The following NRP1 variants were observed in gnomAD, a reference collection of about 807,000 sequenced individuals.
The protein encoded by NRP1 is neuropilin 1, also known as neuropilin-1.
In NRP1, 35 loss-of-function variants were observed where a neutral mutation model predicts 106.7. The observed-to-expected ratio is 0.33, with a 90% CI of 0.25 to 0.43. The LOEUF (loss-of-function observed/expected upper bound fraction) is 0.43, where lower values mean the gene tolerates loss of function less well. Ranked by LOEUF, NRP1 falls within the 20% of genes least tolerant of loss-of-function variation. The pLI is 1.00. For missense variants in NRP1, 1,024 were observed against 1,170.4 expected (o/e 0.87, Z 1.83); for synonymous variants, 437 against 417.9 (o/e 1.05, Z -0.56).
intron 2 of NRP1, among the ~76,000 whole-genome samples, chr10:33,286,283 TGTAA>T (rs1477170098): frequency 1.3e-5 from 2 of 152,182 alleles, no homozygotes; most frequent in African/African-American, 4.8e-5. Context: ...CAAGTATGCA[TGTAA>T]GTATTTCACA....
rs181485167 is a variant in NRP1 at position 33,256,561 on chromosome 10, G to C, written c.659-90C>G. The C allele has an allele frequency of 2.4e-3, 3,380 of 1,398,212 alleles. 12 individuals are homozygous for C. Among genetic ancestry groups the C allele is most frequent in the Admixed American group, 5.7e-3 (301 of 52,390 alleles). 86.6% of individuals were successfully genotyped at this position (1,398,212 alleles called of 1,614,324 possible). On this transcript the variant is annotated intron_variant, in intron 4 of 16. Transcript: ENST00000374867. ...GCATTTACAAAGATGGGCCCCAGTA[G>C]AACCCAGAAGTGTTTTCTAACCCAA...
At chr10:33,322,862 C>G (rs964179967) in intron 2 of NRP1, among the ~76,000 whole-genome samples, 1 of 152,202 alleles carries the variant, frequency 6.6e-6, no homozygotes, top group African/African-American at 2.4e-5. Context: ...AAAAAATAAG[C>G]TGGTAACGTT....
At chr10:33,225,394 G>C (rs1298839866) in intron 7 of NRP1, among the ~76,000 whole-genome samples, 1 of 152,194 alleles carries the variant, frequency 6.6e-6, no homozygotes, top group Non-Finnish European at 1.5e-5. Context: ...TCAATTTCCT[G>C]TGTTTTGCTC....
In NRP1 at chr10:33,182,595, CT is replaced by C. The variant is rs558085116; in HGVS notation, c.2482+102del. 624 of 799,032 alleles carry C rather than the reference CT, an allele frequency of 7.8e-4. 4 individuals carry two copies. The highest frequency in any genetic ancestry group is 2.2e-4 in the Non-Finnish European group (108 of 483,206). 49.5% of individuals were successfully genotyped at this position (799,032 alleles called of 1,614,324 possible). A position where few individuals can be genotyped will look rare whatever the true frequency, so the allele number is the denominator to read the frequency against. On this transcript the variant is annotated intron_variant, in intron 16 of 16. Transcript: ENST00000374867. ...TGGGCATAGATGTTTTTTATTTGAA[CT>C]TTTTGACATACCAGTGTATTAGAGT...
intron 3 of NRP1, among the ~76,000 whole-genome samples, chr10:33,266,752 A>G (rs936423591): frequency 2.6e-5 from 4 of 152,254 alleles, no homozygotes; most frequent in Middle Eastern, 6.8e-3. Flanking sequence ...TCTCATGAAT[A>G]GTTTAGCACT....
At chr10:33,236,531 T>C (rs1840569480) in intron 6 of NRP1, among the ~76,000 whole-genome samples, 2 of 152,158 alleles carry the variant, frequency 1.3e-5, no homozygotes, top group Non-Finnish European at 2.9e-5. Flanking sequence ...AGGAATTGCA[T>C]GGGTTAGGTA....
intron 2 of NRP1, among the ~76,000 whole-genome samples, chr10:33,328,330 G>T (rs1241832124): frequency 7.2e-6 from 1 of 139,098 alleles, no homozygotes; most frequent in Non-Finnish European, 1.6e-5. Context: ...AGATGCTGTT[G>T]TAATAATTAG....
rs781138129 is a variant in NRP1 at position 33,330,754 on chromosome 10, T to C, written c.202A>G (p.Met68Val). 1.9e-6 allele frequency: 3 copies of C among 1,613,798 alleles called. No homozygotes were observed. The highest frequency in any genetic ancestry group is 3.3e-5 in the Admixed American group (2 of 59,982). Residue 68 changes from methionine (M) to valine (V), a missense_variant, in exon 2 of 17, where the codon ATG becomes GTG. Around this residue, in one of 5 missense-constraint regions of NRP1, gnomAD observed 279 missense variants for 327.4 expected, o/e 0.85. Coordinates refer to ENST00000374867, the MANE Select transcript of NRP1 (RefSeq NM_003873.7). ...TCGAAGTGAGGGTTGAAGTTGATCA[T>C]AATTCTCTGGTATGGGTCCGGAGCC... Reference protein sequence around the residue: ...IQAPDPYQRIMINFNPHFDLE... With the variant: ...IQAPDPYQRIVINFNPHFDLE...
At chr10:33,229,457 A>G (rs549600485) in intron 6 of NRP1, among the ~76,000 whole-genome samples, 4 of 152,206 alleles carry the variant, frequency 2.6e-5, no homozygotes, top group Non-Finnish European at 5.9e-5. Context: ...AAAATCTTGA[A>G]GTCCGAGGAA....
Position 33,180,042 on chromosome 10 carries a change from C to G in NRP1, c.*34G>C. The G allele has an allele frequency of 6.2e-7, 1 of 1,600,854 alleles. No individual in the cohort carries two copies. The highest frequency in any genetic ancestry group is 1.1e-5 in the South Asian group (1 of 88,096). ...CAGCTCACTCCCGTCCTTCCACTTC[C>G]GTCCTTTGACTGTCTTTTCATCTCT... is the stretch of plus-strand genomic sequence containing the variant. On this transcript the variant is annotated 3_prime_UTR_variant, in exon 17 of 17. Coordinates refer to ENST00000374867, the MANE Select transcript of NRP1 (RefSeq NM_003873.7).
chr10:33,234,341 C>T (rs1231143469), intron 6 of NRP1, among the ~76,000 whole-genome samples: 2 of 151,946 alleles, frequency 1.3e-5, no homozygotes, highest in East Asian at 3.9e-4. Context: ...GACTGGTGGC[C>T]CGTGTATGAG....
chr10:33,304,966 G>A (rs1392361009), intron 2 of NRP1, among the ~76,000 whole-genome samples: 4 of 152,226 alleles, frequency 2.6e-5, no homozygotes, highest in East Asian at 1.9e-4. Context: ...CAGTCCAATC[G>A]ATTCTTTGAA....
chr10:33,230,501 G>T (rs1034632949), intron 6 of NRP1, among the ~76,000 whole-genome samples: 1 of 151,994 alleles, frequency 6.6e-6, no homozygotes, highest in Non-Finnish European at 1.5e-5. Flanking sequence ...ACTCTACCAC[G>T]ATGAAGACAG....
chr10:33,241,342 A>G (rs964528909), intron 6 of NRP1, among the ~76,000 whole-genome samples: 4 of 152,164 alleles, frequency 2.6e-5, no homozygotes, highest in Non-Finnish European at 5.9e-5. Flanking sequence ...TTCATGTTCC[A>G]GGAAAAAAAA....
intron 2 of NRP1, among the ~76,000 whole-genome samples, chr10:33,279,195 T>C (rs558913526): frequency 1.3e-5 from 2 of 152,306 alleles, no homozygotes; most frequent in Non-Finnish European, 2.9e-5. Flanking sequence ...ACCAACTTAG[T>C]GACTTGAAAC....
At chr10:33,330,956 C>T in intron 1 of NRP1, 74 bp from the exon 2 acceptor site, 1 of 1,320,612 alleles carries the variant, frequency 7.6e-7, no homozygotes, top group Non-Finnish European at 1.0e-6. Context: ...ATGTAAATTA[C>T]TGGTTATTAA....
chr10:33,265,794 A>T (rs1397953956), intron 3 of NRP1, among the ~76,000 whole-genome samples: 5 of 152,206 alleles, frequency 3.3e-5, no homozygotes, highest in African/African-American at 4.8e-5. Context: ...AAAGTTGGTA[A>T]CGTGGCAATT....
chr10:33,226,069 A>G (rs1839639963), intron 7 of NRP1, 65 bp downstream of exon 7: 6 of 1,543,174 alleles, frequency 3.9e-6, no homozygotes, highest in Non-Finnish European at 5.3e-6. Context: ...TACCAAACAA[A>G]CAAGTAAAAA....
rs890366304 is a variant in NRP1 at position 33,334,563 on chromosome 10, T to C, written c.-181A>G. On this transcript the variant is annotated 5_prime_UTR_variant, in exon 1 of 17. Transcript: ENST00000374867. The stretch of plus-strand genomic sequence containing the variant: ...TGCCTGGATCCGAGAGGAACGCTTC[T>C]CTTTTTGTGTCTCAAGTCGCCTGCA... 7.6e-6 allele frequency: 4 copies of C among 528,860 alleles called. No homozygotes were observed. Among genetic ancestry groups the C allele is most frequent in the Middle Eastern group, 6.1e-4 (2 of 3,294 alleles). The allele number at this position is 528,860 out of a possible 1,614,324, so 32.8% of individuals were successfully genotyped here.
Sources: gnomAD v4.1 joint callset for allele counts (sites outside exome capture counted in the v4.1 genomes callset) on GRCh38, gnomAD v4.1.1 for gene constraint, gnomAD v4.1.1 regional missense constraint, MANE v1.5 for transcripts, NCBI Gene and HGNC (gene_info 2026-07-23, HGNC 2026-07-21) for gene names.